Variants in CDH12 observed in about 807,000 individuals in gnomAD.
CDH12 encodes the protein cadherin-12.
In CDH12, 41 loss-of-function variants were observed where a neutral mutation model predicts 74.1. The ratio of observed to expected loss-of-function variants is 0.55; its 90% CI spans 0.43 to 0.72. The LOEUF (loss-of-function observed/expected upper bound fraction) is 0.72, where lower values mean the gene tolerates loss of function less well. Among genes scored for constraint, CDH12 ranks in the 30% least tolerant of loss-of-function variants. The pLI is 0.00. For missense variants in CDH12, 945 were observed against 977.2 expected (o/e 0.97, Z 0.44); for synonymous variants, 399 against 355.0 (o/e 1.12, Z -1.39).
At chr5:22,468,521 T>G (rs1745825602) in intron 2 of CDH12, among the ~76,000 whole-genome samples, 1 of 152,166 alleles carries the variant, frequency 6.6e-6, no homozygotes, top group Admixed American at 6.5e-5. Context: ...TAGTTACAAC[T>G]AATAAATGAT....
intron 3 of CDH12, among the ~76,000 whole-genome samples, chr5:22,399,619 A>G (rs1742626978): frequency 6.6e-6 from 1 of 152,188 alleles, no homozygotes; most frequent in Non-Finnish European, 1.5e-5. Flanking sequence ...AATTCCTGCC[A>G]GAGAGTAAAT....
chr5:22,313,590 A>G, intron 3 of CDH12, among the ~76,000 whole-genome samples: 1 of 152,212 alleles, frequency 6.6e-6, no homozygotes, highest in South Asian at 2.1e-4. Flanking sequence ...TTTTAAAATG[A>G]TTAATCTGTG....
At chr5:22,515,943 T>C (rs1418095844) in intron 1 of CDH12, among the ~76,000 whole-genome samples, 1 of 152,026 alleles carries the variant, frequency 6.6e-6, no homozygotes, top group Admixed American at 6.6e-5. Flanking sequence ...ATAATTATTA[T>C]CCTGATCATA....
At chr5:22,284,120 G>T (rs780213511) in intron 3 of CDH12, among the ~76,000 whole-genome samples, 3 of 152,112 alleles carry the variant, frequency 2.0e-5, no homozygotes, top group Non-Finnish European at 4.4e-5. Context: ...ATGTGACAGA[G>T]TATAAAAATA....
intron 1 of CDH12, among the ~76,000 whole-genome samples, chr5:22,852,141 C>T (rs1419017038): frequency 4.6e-5 from 7 of 152,026 alleles, no homozygotes; most frequent in Admixed American, 2.6e-4. Flanking sequence ...TCAAAATACT[C>T]GATGAGAAAT....
chr5:22,099,309 C>T (rs368919601), intron 4 of CDH12, among the ~76,000 whole-genome samples: 1 of 152,114 alleles, frequency 6.6e-6, no homozygotes, highest in Non-Finnish European at 1.5e-5. Flanking sequence ...TTCAGTGGAA[C>T]CTTCATATCC....
intron 10 of CDH12, 123 bp downstream of exon 10, chr5:21,802,044 C>G (rs939555467): frequency 1.0e-4 from 83 of 808,642 alleles, no homozygotes; most frequent in Non-Finnish European, 8.8e-5. Flanking sequence ...ATTATGTTTT[C>G]AAGCATCATA....
chr5:21,893,633 T>A (rs570810294), intron 6 of CDH12, among the ~76,000 whole-genome samples: 37 of 152,342 alleles, frequency 2.4e-4, no homozygotes, highest in African/African-American at 8.7e-4. Flanking sequence ...TGATGTCTAC[T>A]GCAAAATGAC....
chr5:22,784,742 C>G (rs902290252), intron 1 of CDH12, among the ~76,000 whole-genome samples: 2 of 151,996 alleles, frequency 1.3e-5, no homozygotes, highest in Non-Finnish European at 2.9e-5. Flanking sequence ...GTTTTCTATC[C>G]CAGAGACATT....
intron 2 of CDH12, among the ~76,000 whole-genome samples, chr5:22,409,271 G>A (rs1377141629): frequency 6.6e-6 from 1 of 151,766 alleles, no homozygotes; most frequent in African/African-American, 2.4e-5. Flanking sequence ...CTTACATATG[G>A]TTTCACTTGT....
At chr5:22,217,646 C>G (rs1431680794) in intron 3 of CDH12, among the ~76,000 whole-genome samples, 1 of 151,582 alleles carries the variant, frequency 6.6e-6, no homozygotes, top group Non-Finnish European at 1.5e-5. Context: ...ATTAAACTCA[C>G]TTTCTATTGA....
At chr5:22,825,134 T>A (rs923332883) in intron 1 of CDH12, among the ~76,000 whole-genome samples, 1 of 152,052 alleles carries the variant, frequency 6.6e-6, no homozygotes, top group Non-Finnish European at 1.5e-5. Context: ...AAGCTATTAT[T>A]AATGTTTACT....
intron 12 of CDH12, among the ~76,000 whole-genome samples, chr5:21,762,874 CTTT>C (rs10561731): frequency 0.037 from 4,758 of 128,506 alleles, 150 homozygotes; most frequent in African/African-American, 0.11. Flanking sequence ...AAAGAACTGG[CTTT>C]TTTTTTTTTT....
At chr5:22,120,631 T>G (rs77871545) in intron 4 of CDH12, among the ~76,000 whole-genome samples, 1,796 of 152,288 alleles carry the variant, frequency 0.012, 27 homozygotes, top group African/African-American at 0.041. Flanking sequence ...GAACAATGGT[T>G]GTGGAATAAG....
intron 1 of CDH12, among the ~76,000 whole-genome samples, chr5:22,601,400 GA>G (rs5866578): frequency 0.62 from 94,097 of 151,512 alleles, 29,900 homozygotes; most frequent in East Asian, 0.88. Context: ...ACTGGGATTA[GA>G]AAAAAATAAC....
At chr5:22,230,247 A>C (rs1752335170) in intron 3 of CDH12, among the ~76,000 whole-genome samples, 1 of 152,120 alleles carries the variant, frequency 6.6e-6, no homozygotes, top group Non-Finnish European at 1.5e-5. Context: ...TTTTAAGGAC[A>C]AAAGGAAAAT....
chr5:22,527,275 G>A (rs1351712855), intron 1 of CDH12, among the ~76,000 whole-genome samples: 1 of 152,124 alleles, frequency 6.6e-6, no homozygotes, highest in South Asian at 2.1e-4. Flanking sequence ...TTCAAGGGGT[G>A]CTGGGTCTAT....
intron 1 of CDH12, among the ~76,000 whole-genome samples, chr5:22,746,202 A>G (rs563628643): frequency 1.3e-5 from 2 of 152,234 alleles, no homozygotes; most frequent in African/African-American, 2.4e-5. Context: ...CACCTAAAGT[A>G]GGCATTTAAT....
At chr5:22,056,344 T>C (rs1019471926) in intron 5 of CDH12, among the ~76,000 whole-genome samples, 2 of 152,214 alleles carry the variant, frequency 1.3e-5, no homozygotes, top group African/African-American at 4.8e-5. Flanking sequence ...ATAGAAATCA[T>C]TGTAATCTAT....
Sources: allele counts gnomAD v4.1 joint callset (sites outside exome capture counted in the v4.1 genomes callset), GRCh38; gene constraint gnomAD v4.1.1; transcripts MANE v1.5; gene names NCBI Gene and HGNC (gene_info 2026-07-23, HGNC 2026-07-21).